Variants in AEBP1 observed in about 807,000 individuals in gnomAD.
AEBP1 encodes AE binding protein 1.
AEBP1 carries 69 observed loss-of-function variants against 116.5 expected under a neutral mutation model. The ratio of observed to expected loss-of-function variants is 0.59; its 90% CI spans 0.49 to 0.72. AEBP1 has a LOEUF of 0.72. Among genes scored for constraint, AEBP1 ranks in the 30% least tolerant of loss-of-function variants. The probability of loss-of-function intolerance (pLI) is 0.00; values close to 1 mark genes in which losing one functional copy is unlikely to be tolerated. For missense variants in AEBP1, 1,444 were observed against 1,557.5 expected (o/e 0.93, Z 1.23); for synonymous variants, 627 against 627.3 (o/e 1.00, Z 0.01).
At position 44,111,547 on chromosome 7, in the gene AEBP1, G is replaced by A. The variant is rs1184993953; in HGVS notation, c.1757G>A (p.Arg586His). The A allele has an allele frequency of 2.5e-6, 4 of 1,609,262 alleles. No individual in the cohort carries two copies. Among genetic ancestry groups the A allele is most frequent in the East Asian group, 2.2e-5 (1 of 44,836 alleles). The change falls in exon 15 of 21, where the codon CGC becomes CAC. Residue 586 changes from arginine to histidine, a missense_variant. Arg to His is a conservative substitution (Grantham distance 29, BLOSUM62 0). Coordinates refer to ENST00000223357, the MANE Select transcript of AEBP1 (RefSeq NM_001129.5). The surrounding 1 kb of genome is among the most constrained non-coding windows in gnomAD (Gnocchi z 4.7). ...VVNEECPTIT[R>H]TYSLGKSSRG... Reference sequence around the variant, plus strand: ...AACGAGGAGTGCCCCACCATCACCCGCACTTACAGCCTGGGCAAGAGCTCA... The same window carrying A: ...AACGAGGAGTGCCCCACCATCACCCACACTTACAGCCTGGGCAAGAGCTCA...
Position 44,104,574 on chromosome 7 carries a change from AC to A in AEBP1, c.-89del, listed in dbSNP as rs2096220886. 1.3e-6 allele frequency: 1 copy of A among 793,076 alleles called. No homozygotes were observed. The allele number at this position is 793,076 out of a possible 1,614,324, so 49.1% of individuals were successfully genotyped here. On this transcript the variant is annotated 5_prime_UTR_variant, in exon 1 of 21. Coordinates refer to ENST00000223357, the MANE Select transcript of AEBP1 (RefSeq NM_001129.5). ...CTCCCGCCCCTTCCTGGATTCCCTC[AC>A]CCGTCTCGATCCCCTCTCCGCCCTT... is the stretch of plus-strand genomic sequence containing the variant.
intron 11 of AEBP1, 81 bp from the exon 12 acceptor site, chr7:44,110,644 G>A (rs2096228334): frequency 7.7e-7 from 1 of 1,298,412 alleles, no homozygotes; most frequent in Non-Finnish European, 1.1e-6. Flanking sequence ...TAAATTCTTG[G>A]GGCTCGGAAG....
intron 1 of AEBP1, among the ~76,000 whole-genome samples, chr7:44,105,784 T>C (rs189423863): frequency 1.7e-4 from 26 of 152,218 alleles, no homozygotes; most frequent in African/African-American, 5.8e-4. Context: ...CTGCCAAACT[T>C]CCCTCATGCT....
At position 44,107,426 on chromosome 7, in the gene AEBP1, TCC is replaced by T. The variant is rs892734304; in HGVS notation, c.596-12_596-11del. On this transcript the variant is annotated splice_polypyrimidine_tract_variant and intron_variant, in intron 2 of 20. Coordinates refer to ENST00000223357, the MANE Select transcript of AEBP1 (RefSeq NM_001129.5). The surrounding 1 kb of genome is among the most constrained non-coding windows in gnomAD (Gnocchi z 4.3). ...CCTCCCGCCCACCTGCTTCTGGAAC[TCC>T]TGTGTTGCAGGGGCGCCCCTCTCAA... is the stretch of plus-strand genomic sequence containing the variant. The T allele has an allele frequency of 6.2e-7, 1 of 1,613,036 alleles. No individual in the cohort carries two copies. The highest frequency in any genetic ancestry group is 8.5e-7 in the Non-Finnish European group (1 of 1,179,880).
Position 44,110,050 on chromosome 7 carries a change from G to T in AEBP1, c.1186G>T (p.Glu396Ter). 1 of 1,613,016 alleles carries T rather than the reference G, an allele frequency of 6.2e-7. No individual in the cohort carries two copies. The highest frequency in any genetic ancestry group is 1.3e-5 in the African/African-American group (1 of 75,028). The change falls in exon 10 of 21, where the codon GAG becomes TAG. Residue 396 changes from glutamate (E) to a stop codon, truncating the protein, a stop_gained. Coordinates refer to ENST00000223357, the MANE Select transcript of AEBP1 (RefSeq NM_001129.5). LOFTEE classifies it high-confidence loss of function. ...PPIGMESHRIEDNQIRASSML... is the reference protein window; with the variant it reads ...PPIGMESHRI ...CATTGGGATGGAGTCACACCGTATT[G>T]AGGACAACCAGATCCGAGCCTCCTC...
chr7:44,113,674 G>C lies in AEBP1; in HGVS notation c.2890G>C (p.Ala964Pro). 6.2e-7 allele frequency: 1 copy of C among 1,613,928 alleles called. No homozygotes were observed. Among genetic ancestry groups the C allele is most frequent in the Non-Finnish European group, 8.5e-7 (1 of 1,179,976 alleles). Reference protein sequence around the residue: ...TAHAEGYTPSAKTCNVDYDIG... With the variant: ...TAHAEGYTPSPKTCNVDYDIG... ...CCACGCGGAGGGCTACACCCCGAGCGCCAAGACCTGCAATGTTGACTATGA... is the reference window on the plus strand; with the variant it reads ...CCACGCGGAGGGCTACACCCCGAGCCCCAAGACCTGCAATGTTGACTATGA... The change falls in exon 21 of 21, where the codon GCC (alanine) becomes CCC (proline). Residue 964 changes from alanine (A) to proline (P), a missense_variant. Coordinates refer to ENST00000223357, the MANE Select transcript of AEBP1 (RefSeq NM_001129.5). This position sits in a 1 kb window ranked among gnomAD's most constrained non-coding sequence, Gnocchi z 5.3.
chr7:44,107,572 T>C lies in AEBP1; in HGVS notation c.668-57T>C. The C allele has an allele frequency of 6.2e-7, 1 of 1,613,074 alleles. No homozygotes were observed. The highest frequency in any genetic ancestry group is 2.2e-5 in the East Asian group (1 of 44,870). On this transcript the variant is annotated intron_variant, in intron 3 of 20. Transcript: ENST00000223357. The surrounding 1 kb of genome is among the most constrained non-coding windows in gnomAD (Gnocchi z 4.3). ...TGCCCTGGCTGGTTGGACTGAGGGC[T>C]TCCCCAGAGTAGGCCTGGGTGGGGT...
Position 44,108,118 on chromosome 7 carries a change from T to C in AEBP1, c.940+34T>C. 1.3e-6 allele frequency: 2 copies of C among 1,569,708 alleles called. No individual in the cohort carries two copies. The highest frequency in any genetic ancestry group is 1.7e-6 in the Non-Finnish European group (2 of 1,157,854). On this transcript the variant is annotated intron_variant, in intron 6 of 20. Coordinates refer to ENST00000223357, the MANE Select transcript of AEBP1 (RefSeq NM_001129.5). The surrounding 1 kb of genome is among the most constrained non-coding windows in gnomAD (Gnocchi z 5.0). ...CCAGCACCCCAGAGTCTGAGGGACATAGGCAGGTGGGGGTCGGGGCTGGGG... is the reference window on the plus strand; with the variant it reads ...CCAGCACCCCAGAGTCTGAGGGACACAGGCAGGTGGGGGTCGGGGCTGGGG...
At position 44,108,169 on chromosome 7, in the gene AEBP1, C is replaced by G. The variant is rs2128808367; in HGVS notation, c.940+85C>G. 7.4e-7 allele frequency: 1 copy of G among 1,353,324 alleles called. No individual in the cohort carries two copies. The highest frequency in any genetic ancestry group is 1.0e-6 in the Non-Finnish European group (1 of 975,716). The allele number at this position is 1,353,324 out of a possible 1,614,324, so 83.8% of individuals were successfully genotyped here. On this transcript the variant is annotated intron_variant, in intron 6 of 20. Transcript: ENST00000223357. This position sits in a 1 kb window ranked among gnomAD's most constrained non-coding sequence, Gnocchi z 5.0. Reference sequence around the variant, plus strand: ...TGTGGTCAGGAGCCAGCTGGGGCAACTCACCCACCTTGCAACCCCACCTGT... The same window carrying G: ...TGTGGTCAGGAGCCAGCTGGGGCAAGTCACCCACCTTGCAACCCCACCTGT...
In AEBP1 at chr7:44,105,180, C is replaced by T. The variant is rs2537190; in HGVS notation, c.253+262C>T. Reference sequence around the variant, plus strand: ...GTTGGTGCTGTGGTTGTACGGGTCGCTTATCCCCATTCCTCCAGTACGCGA... The same window carrying T: ...GTTGGTGCTGTGGTTGTACGGGTCGTTTATCCCCATTCCTCCAGTACGCGA... On this transcript the variant is annotated intron_variant, in intron 1 of 20. Coordinates refer to ENST00000223357, the MANE Select transcript of AEBP1 (RefSeq NM_001129.5). Among the ~76,000 whole-genome samples the T allele has an allele frequency of 0.37, 55,606 of 152,168 alleles. 10,632 individuals carry two copies. The highest frequency in any genetic ancestry group is 0.52 in the South Asian group (2,491 of 4,830).
Position 44,114,059 on chromosome 7 carries a change from A to T in AEBP1, c.3275A>T (p.Glu1092Val), listed in dbSNP as rs760426300. The T allele has an allele frequency of 6.2e-7, 1 of 1,614,076 alleles. No individual in the cohort carries two copies. The highest frequency in any genetic ancestry group is 1.3e-5 in the African/African-American group (1 of 75,002). The change falls in exon 21 of 21, where the codon GAG becomes GTG. Residue 1092 changes from glutamate (E) to valine (V), a missense_variant. Glu to Val is a moderately radical substitution (Grantham distance 121). Transcript: ENST00000223357. ...ETETYTEVVTEFGTEVEPEFG... is the reference protein window; with the variant it reads ...ETETYTEVVTVFGTEVEPEFG... The stretch of plus-strand genomic sequence containing the variant: ...GAGACCTACACAGAGGTGGTGACAG[A>T]GTTTGGGACCGAGGTGGAGCCCGAG...
At chr7:44,109,955 G>C (rs559505495) in intron 9 of AEBP1, 60 bp from the exon 10 acceptor site, 1 of 1,492,354 alleles carries the variant, frequency 6.7e-7, no homozygotes, top group African/African-American at 1.4e-5. Flanking sequence ...CCTTGGTTCT[G>C]GGTTTGGTGG....
Position 44,106,526 on chromosome 7 carries a change from CGAGTCTGCAT to C in AEBP1, c.254-19_254-10del. ...CAGAGCTGGCTCTGTTCATTTGACA[CGAGTCTGCAT>C]CTTGGACAGTGCCTCCGGAAAAGAC... On this transcript the variant is annotated splice_polypyrimidine_tract_variant and intron_variant, in intron 1 of 20. Transcript: ENST00000223357. 1 of 1,565,704 alleles carries C rather than the reference CGAGTCTGCAT, an allele frequency of 6.4e-7. No homozygotes were observed. Among genetic ancestry groups the C allele is most frequent in the Non-Finnish European group, 8.6e-7 (1 of 1,159,284 alleles).
At chr7:44,104,981 T>C in intron 1 of AEBP1, 63 bp downstream of exon 1, 1 of 1,343,054 alleles carries the variant, frequency 7.4e-7, no homozygotes, top group South Asian at 1.4e-5. Context: ...ACAGGGGGAT[T>C]CGGTAGGGTC....
At chr7:44,109,255 C>T (rs1461644522) in intron 8 of AEBP1, 33 bp from the exon 9 acceptor site, 3 of 1,611,466 alleles carry the variant, frequency 1.9e-6, no homozygotes, top group Non-Finnish European at 1.7e-6. Flanking sequence ...CTCCCGGGCC[C>T]TTGGTGCCAT....
Position 44,110,999 on chromosome 7 carries a change from A to G in AEBP1, c.1572A>G (p.Pro524=). ...PVVARFIRIY[P]LTWNGSLCMR... ...TGGCTCGTTTCATCCGCATCTACCC[A>G]CTCACCTGGAATGGCAGCCTGTGCA... Residue 524 remains proline, a synonymous_variant, in exon 13 of 21, where the codon CCA becomes CCG. Coordinates refer to ENST00000223357, the MANE Select transcript of AEBP1 (RefSeq NM_001129.5). 6.2e-7 allele frequency: 1 copy of G among 1,613,212 alleles called. No homozygotes were observed. Among genetic ancestry groups the G allele is most frequent in the Non-Finnish European group, 8.5e-7 (1 of 1,179,796 alleles).
Position 44,106,836 on chromosome 7 carries a change from C to T in AEBP1, c.544C>T (p.Pro182Ser). ...ILAPSETLEWPLPPPPSPGPE... is the reference protein window; with the variant it reads ...ILAPSETLEWSLPPPPSPGPE... ...GGCTCCCTCAGAAACCCTGGAGTGG[C>T]CACTGCCCCCACCCCCCAGCCCTGG... The change falls in exon 2 of 21, where the codon CCA becomes TCA. Residue 182 changes from proline to serine, a missense_variant. Coordinates refer to ENST00000223357, the MANE Select transcript of AEBP1 (RefSeq NM_001129.5). 6.2e-7 allele frequency: 1 copy of T among 1,605,932 alleles called. No individual in the cohort carries two copies. Among genetic ancestry groups the T allele is most frequent in the African/African-American group, 1.3e-5 (1 of 74,674 alleles).
chr7:44,104,611 C>G lies in AEBP1; in HGVS notation c.-55C>G. ...CCCCTCTCCGCCCTTTCCCAGAGAC[C>G]CAGAGCCCCTGACCCCCCGCGCCCT... On this transcript the variant is annotated 5_prime_UTR_variant, in exon 1 of 21. Coordinates refer to ENST00000223357, the MANE Select transcript of AEBP1 (RefSeq NM_001129.5). 7.8e-7 allele frequency: 1 copy of G among 1,277,034 alleles called. No individual in the cohort carries two copies. Among genetic ancestry groups the G allele is most frequent in the Non-Finnish European group, 1.0e-6 (1 of 976,926 alleles). The allele number at this position is 1,277,034 out of a possible 1,614,324, so 79.1% of individuals were successfully genotyped here.
Position 44,113,948 on chromosome 7 carries a change from CT to C in AEBP1, c.3165del (p.Ala1056ProfsTer6). ...GPHTVPPTLP[P>X]APATTLSTTI... ...CACACTGTGCCTCCCACGCTGCCCC[CT>C]GCCCCTGCCACCACCCTGAGCACTA... On this transcript the variant is annotated frameshift_variant, in exon 21 of 21. Coordinates refer to ENST00000223357, the MANE Select transcript of AEBP1 (RefSeq NM_001129.5). LOFTEE classifies it low-confidence loss of function (END_TRUNC). The surrounding 1 kb of genome is among the most constrained non-coding windows in gnomAD (Gnocchi z 5.3). 6.2e-7 allele frequency: 1 copy of C among 1,613,298 alleles called. No individual in the cohort carries two copies. Among genetic ancestry groups the C allele is most frequent in the Non-Finnish European group, 8.5e-7 (1 of 1,179,694 alleles).
Sources: allele counts gnomAD v4.1 joint callset (sites outside exome capture counted in the v4.1 genomes callset), GRCh38; gene constraint gnomAD v4.1.1; non-coding constraint Gnocchi (gnomAD v3.1); transcripts MANE v1.5; gene names NCBI Gene and HGNC (gene_info 2026-07-23, HGNC 2026-07-21).